Variants in LRFN2 observed in about 807,000 individuals in gnomAD.
The protein encoded by LRFN2 is leucine rich repeat and fibronectin type III domain containing 2, also known as leucine-rich repeat and fibronectin type-III domain-containing protein 2.
A neutral mutation model predicts 37.3 loss-of-function variants in LRFN2; 18 were observed. The observed-to-expected ratio is 0.48, with a 90% confidence interval of 0.33 to 0.72. LRFN2 has a LOEUF of 0.72. LRFN2 is among the 30% of genes least tolerant of loss of function. The pLI, the probability that LRFN2 is intolerant of heterozygous loss-of-function variation, is 0.02. For missense variants in LRFN2, 1,006 were observed against 1,060.7 expected (o/e 0.95, Z 0.72); for synonymous variants, 556 against 466.6 (o/e 1.19, Z -2.47).
Position 40,431,687 on chromosome 6 carries a change from C to T in LRFN2, c.1400+27G>A. On this transcript the variant is annotated intron_variant, in intron 2 of 2. Transcript: ENST00000338305. ...CTCCTTCCCCAGCCAGACACCCTCCCTGCCTTTGCCACAGCCGCTTGCTCA... is the reference window on the plus strand; with the variant it reads ...CTCCTTCCCCAGCCAGACACCCTCCTTGCCTTTGCCACAGCCGCTTGCTCA... 5 of 1,501,128 alleles carry T rather than the reference C, an allele frequency of 3.3e-6. No homozygotes were observed. In the South Asian group the frequency reaches 4.1e-5, roughly 12 times the overall value. 93.0% of individuals were successfully genotyped at this position (1,501,128 alleles called of 1,614,324 possible).
In LRFN2 at chr6:40,433,129, C is replaced by T. The variant is rs9394693; in HGVS notation, c.-16G>A. 0.11 allele frequency: 169,879 copies of T among 1,514,934 alleles called. 10,807 individuals carry two copies. Among genetic ancestry groups the T allele is most frequent in the Admixed American group, 0.24 (10,528 of 43,808 alleles). The allele number at this position is 1,514,934 out of a possible 1,614,324, so 93.8% of individuals were successfully genotyped here. A position where few individuals can be genotyped will look rare whatever the true frequency, so the allele number is the denominator to read the frequency against. On this transcript the variant is annotated splice_region_variant and 5_prime_UTR_variant, in exon 2 of 3. Transcript: ENST00000338305. ...GGGTCTCCATGGTCTGGTCACTCAG[C>T]GCCTGGAAGGGAGAAACACAAGCTC...
In LRFN2 at chr6:40,515,326, G is replaced by C. The variant is rs145397864; in HGVS notation, c.-19+71615C>G. ...CAGATTGGAAACTGTGTGCTGACCT[G>C]GTTCCTGAAAACAGCAGACCCAGGA... is the stretch of plus-strand genomic sequence containing the variant. On this transcript the variant is annotated intron_variant, in intron 1 of 2. Coordinates refer to ENST00000338305, the MANE Select transcript of LRFN2 (RefSeq NM_020737.3). Among the ~76,000 whole-genome samples the C allele has an allele frequency of 5.9e-4, 90 of 152,298 alleles. 1 individual carries two copies. Among genetic ancestry groups the C allele is most frequent in the Non-Finnish European group, 8.2e-4 (56 of 68,028 alleles).
intron 1 of LRFN2, among the ~76,000 whole-genome samples, chr6:40,484,864 C>A (rs932064553): frequency 6.6e-6 from 1 of 152,206 alleles, no homozygotes; most frequent in African/African-American, 2.4e-5. Context: ...GTGGGCTCTG[C>A]CATCCATACT....
chr6:40,452,157 GA>G (rs1394947867), intron 1 of LRFN2, among the ~76,000 whole-genome samples: 21 of 152,286 alleles, frequency 1.4e-4, no homozygotes, highest in Admixed American at 2.6e-4. Flanking sequence ...ACCACCCAGT[GA>G]AGGTCTTCCA....
intron 1 of LRFN2, among the ~76,000 whole-genome samples, chr6:40,580,825 G>C (rs1767383227): frequency 6.6e-6 from 1 of 152,200 alleles, no homozygotes; most frequent in Admixed American, 6.5e-5. Context: ...ATGAACTCAT[G>C]AACGTGTGTA....
intron 1 of LRFN2, among the ~76,000 whole-genome samples, chr6:40,483,283 A>G (rs973413482): frequency 2.0e-5 from 3 of 152,124 alleles, no homozygotes; most frequent in Non-Finnish European, 4.4e-5. Context: ...CCCTTCTACC[A>G]TCTTCTCTCC....
chr6:40,519,319 G>A (rs1214981133), intron 1 of LRFN2, among the ~76,000 whole-genome samples: 1 of 152,150 alleles, frequency 6.6e-6, no homozygotes, highest in East Asian at 1.9e-4. Context: ...ATAAGCAGTG[G>A]GACTAGGACT....
chr6:40,466,741 C>A (rs180820276), intron 1 of LRFN2, among the ~76,000 whole-genome samples: 5 of 152,096 alleles, frequency 3.3e-5, no homozygotes, highest in African/African-American at 7.3e-5. Context: ...ATGAGGACAA[C>A]GTGTGCTTTA....
At chr6:40,426,522 A>T (rs1242789797) in intron 2 of LRFN2, among the ~76,000 whole-genome samples, 1 of 152,224 alleles carries the variant, frequency 6.6e-6, no homozygotes, top group Non-Finnish European at 1.5e-5. Context: ...CGAGAGGAAG[A>T]TAGATACAAA....
At chr6:40,522,893 G>A (rs1189971234) in intron 1 of LRFN2, among the ~76,000 whole-genome samples, 1 of 152,198 alleles carries the variant, frequency 6.6e-6, no homozygotes, top group South Asian at 2.1e-4. Flanking sequence ...GCAGAAACTG[G>A]GGCTGAGTGT....
chr6:40,417,738 T>C (rs1356569829), intron 2 of LRFN2, among the ~76,000 whole-genome samples: 1 of 152,114 alleles, frequency 6.6e-6, no homozygotes, highest in African/African-American at 2.4e-5. Flanking sequence ...AGAAAAATCA[T>C]GACAACATGC....
At chr6:40,428,176 T>C (rs1447293276) in intron 2 of LRFN2, among the ~76,000 whole-genome samples, 1 of 152,240 alleles carries the variant, frequency 6.6e-6, no homozygotes, top group Non-Finnish European at 1.5e-5. Flanking sequence ...GTGTGTACTA[T>C]TATTGCTGCT....
intron 1 of LRFN2, among the ~76,000 whole-genome samples, chr6:40,435,720 AG>A (rs1763655119): frequency 6.6e-6 from 1 of 152,000 alleles, no homozygotes; most frequent in Non-Finnish European, 1.5e-5. Context: ...TTGTGTTTTT[AG>A]TAGAGACAGG....
At chr6:40,475,340 A>G (rs998029517) in intron 1 of LRFN2, among the ~76,000 whole-genome samples, 2 of 152,010 alleles carry the variant, frequency 1.3e-5, no homozygotes, top group African/African-American at 4.8e-5. Context: ...AAAAGGAGGG[A>G]CTTGGGGGAT....
chr6:40,570,305 C>T (rs1420166032), intron 1 of LRFN2, among the ~76,000 whole-genome samples: 1 of 152,184 alleles, frequency 6.6e-6, no homozygotes, highest in East Asian at 1.9e-4. Context: ...TGAGCACTTG[C>T]CATGTGCCAG....
intron 1 of LRFN2, among the ~76,000 whole-genome samples, chr6:40,586,003 C>G (rs1487293352): frequency 6.6e-6 from 1 of 152,170 alleles, no homozygotes; most frequent in African/African-American, 2.4e-5. Context: ...CTGCTGTCGC[C>G]GGGTGCATTT....
rs941218649 is a variant in LRFN2 at position 40,408,630 on chromosome 6, C to T, written c.1401-15718G>A. Among the ~76,000 whole-genome samples the T allele has an allele frequency of 4.6e-5, 7 of 152,282 alleles. No individual in the cohort carries two copies. The East Asian group carries it at 5.8e-4, about 13-fold the overall frequency. On this transcript the variant is annotated intron_variant, in intron 2 of 2. Coordinates refer to ENST00000338305, the MANE Select transcript of LRFN2 (RefSeq NM_020737.3). Reference sequence around the variant, plus strand: ...ATCCTGCTCTAGCAATGACTAGCTGCGTGACCCTAGGCAGATTACTTACCC... The same window carrying T: ...ATCCTGCTCTAGCAATGACTAGCTGTGTGACCCTAGGCAGATTACTTACCC...
chr6:40,571,830 T>C (rs1767193222), intron 1 of LRFN2, among the ~76,000 whole-genome samples: 1 of 152,216 alleles, frequency 6.6e-6, no homozygotes, highest in South Asian at 2.1e-4. Flanking sequence ...GCGGAGCTGG[T>C]GTGGCCATGC....
rs557082877 is a variant in LRFN2, at chr6:40,515,649, G to C, written c.-19+71292C>G. On this transcript the variant is annotated intron_variant, in intron 1 of 2. Transcript: ENST00000338305. ...CACGCCTGTAATCCCAGCACTTTGG[G>C]AGGCCAAGGCGGGCGGATTGCCTGA... 2.8e-3 allele frequency among the ~76,000 whole-genome samples: 432 copies of C among 152,284 alleles called. 4 individuals are homozygous for C. Among genetic ancestry groups the C allele is most frequent in the African/African-American group, 8.8e-3 (365 of 41,558 alleles).
Sources: allele counts gnomAD v4.1 joint callset (sites outside exome capture counted in the v4.1 genomes callset), GRCh38; gene constraint gnomAD v4.1.1; transcripts MANE v1.5; gene names NCBI Gene and HGNC (gene_info 2026-07-23, HGNC 2026-07-21).